The following OGT variants were observed in gnomAD, a reference collection of about 807,000 sequenced individuals.
OGT encodes O-linked N-acetylglucosamine (GlcNAc) transferase.
A neutral mutation model predicts 75.8 loss-of-function variants in OGT; 3 were observed. The observed-to-expected ratio is 0.04, with a 90% CI of 0.02 to 0.10. The LOEUF (loss-of-function observed/expected upper bound fraction) is 0.10. Among genes scored for constraint, OGT ranks in the 10% least tolerant of loss-of-function variants. The pLI, the probability that OGT is intolerant of heterozygous loss-of-function variation, is 1.00. For synonymous variants in OGT, 257 were observed against 289.7 expected (o/e 0.89, Z 1.15); for missense variants, 260 against 824.4 (o/e 0.32, Z 8.38).
In OGT at chrX:71,570,820, G is replaced by T. The variant is rs537236654; in HGVS notation, c.2966+2704G>T. Among the ~76,000 whole-genome samples the T allele has an allele frequency of 2.7e-5, 3 of 110,764 alleles. No homozygotes were observed. In the South Asian group the frequency reaches 1.2e-3, roughly 43 times the overall value. ...GTAGTGCGTTTTATTTTCAGACAGG[G>T]TCTCACTCTGTTAACTCAGGCTGGA... On this transcript the variant is annotated intron_variant, in intron 21 of 21. Coordinates refer to ENST00000373719, the MANE Select transcript of OGT (RefSeq NM_181672.3).
At chrX:71,548,857 C>T (rs370690464) in intron 5 of OGT, among the ~76,000 whole-genome samples, 142 of 111,255 alleles carry the variant, frequency 1.3e-3, no homozygotes, top group African/African-American at 4.5e-3. Context: ...ATTGCTGTGA[C>T]ACAATTTACC....
At chrX:71,555,662 G>A (rs1602147635) in intron 7 of OGT, among the ~76,000 whole-genome samples, 1 of 112,342 alleles carries the variant, frequency 8.9e-6, no homozygotes, top group East Asian at 2.8e-4. Flanking sequence ...GGTTGAGGCT[G>A]CAGTGGGCCA....
intron 21 of OGT, among the ~76,000 whole-genome samples, chrX:71,572,497 G>A (rs756363320): frequency 8.9e-6 from 1 of 112,739 alleles, no homozygotes; most frequent in East Asian, 2.8e-4. Flanking sequence ...GTTGGGCGTG[G>A]TGGCGCATGC....
intron 12 of OGT, 141 bp from the exon 13 acceptor site, chrX:71,559,125 AT>A (rs1440333908): frequency 2.1e-6 from 1 of 483,086 alleles, no homozygotes; most frequent in Non-Finnish European, 3.4e-6. Flanking sequence ...CTGAGGTTGC[AT>A]CTCTCTGGCA....
intron 3 of OGT, among the ~76,000 whole-genome samples, chrX:71,540,023 T>C (rs1490013692): frequency 1.8e-5 from 2 of 112,609 alleles, no homozygotes; most frequent in Non-Finnish European, 3.8e-5. Flanking sequence ...TGTTGTACCC[T>C]ACCAAGGAAG....
At chrX:71,534,149 A>G (rs1030791607) in intron 1 of OGT, among the ~76,000 whole-genome samples, 1 of 108,893 alleles carries the variant, frequency 9.2e-6, no homozygotes, top group African/African-American at 3.4e-5. Context: ...GGCGTTGACC[A>G]CCCTGCCCGC....
chrX:71,536,095 C>CAA (rs2040173640), intron 1 of OGT, 83 bp from the exon 2 acceptor site: 1 of 820,941 alleles, frequency 1.2e-6, no homozygotes. Context: ...TTAAATATAC[C>CAA]ATATTTTTAC....
At chrX:71,557,997 C>T (rs1181933385) in intron 12 of OGT, among the ~76,000 whole-genome samples, 1 of 108,405 alleles carries the variant, frequency 9.2e-6, no homozygotes, top group Non-Finnish European at 1.9e-5. Flanking sequence ...CTCTGTCGCC[C>T]AGGCTGGAGT....
intron 15 of OGT, among the ~76,000 whole-genome samples, chrX:71,562,586 G>C (rs1473728737): frequency 8.9e-6 from 1 of 112,427 alleles, no homozygotes; most frequent in Non-Finnish European, 1.9e-5. Flanking sequence ...AGGAGTTTGA[G>C]GCTGTAGTGA....
In OGT at chrX:71,563,295, C is replaced by T. The variant is rs372355668; in HGVS notation, c.2266-34C>T. 6.7e-6 allele frequency: 8 copies of T among 1,200,481 alleles called. No homozygotes were observed. In the African/African-American group the frequency reaches 1.1e-4, roughly 16 times the overall value. On this transcript the variant is annotated intron_variant, in intron 17 of 21. Coordinates refer to ENST00000373719, the MANE Select transcript of OGT (RefSeq NM_181672.3). ...ATTGAAATAAAGTTAACTGCATTCA[C>T]GATCTTTTCCCTAATGATGCATTTT... is the stretch of plus-strand genomic sequence containing the variant.
chrX:71,568,251 C>T, intron 21 of OGT, 135 bp downstream of exon 21: 1 of 442,344 alleles, frequency 2.3e-6, no homozygotes, highest in South Asian at 7.2e-5. Flanking sequence ...AGAAGTACTT[C>T]TAAACTCTTA....
At chrX:71,533,599 C>T (rs2040150952) in intron 1 of OGT, among the ~76,000 whole-genome samples, 2 of 111,562 alleles carry the variant, frequency 1.8e-5, no homozygotes, top group African/African-American at 6.5e-5. Flanking sequence ...TAGCATTCCA[C>T]TCTCTCCAGG....
chrX:71,567,463 C>T (rs749757855), intron 19 of OGT, 37 bp from the exon 20 acceptor site: 17 of 1,084,386 alleles, frequency 1.6e-5, no homozygotes, highest in Non-Finnish European at 2.0e-5. Context: ...AAAGGCAGAT[C>T]TGCTATTAAT....
intron 5 of OGT, among the ~76,000 whole-genome samples, chrX:71,548,569 G>T (rs1278547863): frequency 8.9e-6 from 1 of 112,361 alleles, no homozygotes; most frequent in East Asian, 2.8e-4. Flanking sequence ...ATATGCCATG[G>T]AATACCATGT....
chrX:71,534,477 C>G (rs1170918859), intron 1 of OGT: 1 of 110,771 alleles, frequency 9.0e-6, no homozygotes, highest in African/African-American at 3.3e-5. Flanking sequence ...GGCTGCGCTT[C>G]TGAGGTTTCC....
chrX:71,534,425 T>C (rs749292322), intron 1 of OGT: 2 of 111,022 alleles, frequency 1.8e-5, no homozygotes, highest in Non-Finnish European at 3.8e-5. Flanking sequence ...TCAGCTGCCT[T>C]TCCATATTGA....
chrX:71,540,966 C>T (rs927139281), intron 3 of OGT, among the ~76,000 whole-genome samples: 1 of 112,047 alleles, frequency 8.9e-6, no homozygotes, highest in Non-Finnish European at 1.9e-5. Flanking sequence ...AACCACTGTG[C>T]CTGGCAGTCT....
chrX:71,537,761 G>A, intron 2 of OGT, 68 bp from the exon 3 acceptor site: 2 of 1,150,280 alleles, frequency 1.7e-6, no homozygotes, highest in Admixed American at 2.3e-5. Context: ...TGTTTGAGTT[G>A]CATATGGGCC....
At chrX:71,573,235 A>G (rs1006342368) in intron 21 of OGT, among the ~76,000 whole-genome samples, 2 of 112,273 alleles carry the variant, frequency 1.8e-5, no homozygotes, top group Non-Finnish European at 3.8e-5. Flanking sequence ...CCAGAGGGTT[A>G]TGAACATTTA....
Sources: allele counts gnomAD v4.1 joint callset (sites outside exome capture counted in the v4.1 genomes callset), GRCh38; gene constraint gnomAD v4.1.1; transcripts MANE v1.5; gene names NCBI Gene and HGNC (gene_info 2026-07-23, HGNC 2026-07-21).